Variants in ERP44 observed in about 807,000 individuals in gnomAD.
The protein encoded by ERP44 is endoplasmic reticulum protein 44, also known as endoplasmic reticulum resident protein 44.
A neutral mutation model predicts 53.4 loss-of-function variants in ERP44; 25 were observed. The observed-to-expected ratio is 0.47, with a 90% CI of 0.34 to 0.65. The LOEUF is 0.65. Among genes scored for constraint, ERP44 ranks in the 30% least tolerant of loss-of-function variants. ERP44 has a pLI of 0.01. For synonymous variants in ERP44, 145 were observed against 161.2 expected (o/e 0.90, Z 0.76); for missense variants, 338 against 493.2 (o/e 0.69, Z 2.98).
rs190258913 is a variant in ERP44 at position 100,042,903 on chromosome 9, A to G, written c.286+9514T>C. Among the ~76,000 whole-genome samples, 90 of 151,990 alleles carry G rather than the reference A, an allele frequency of 5.9e-4. 1 individual carries two copies. The highest frequency in any genetic ancestry group is 2.0e-3 in the African/African-American group (82 of 41,512). On this transcript the variant is annotated intron_variant, in intron 4 of 11. Transcript: ENST00000262455. ...ATAGAGCATAGAAGGATGGTTACCA[A>G]AGGGTGGAAAGGGTAGTCGAGGGTC...
At chr9:100,032,410 T>C (rs990865423) in intron 4 of ERP44, among the ~76,000 whole-genome samples, 1 of 152,246 alleles carries the variant, frequency 6.6e-6, no homozygotes, top group African/African-American at 2.4e-5. Context: ...ATGTCTTTTC[T>C]GACCTAATTA....
chr9:100,081,919 C>T (rs1452196797), intron 1 of ERP44, among the ~76,000 whole-genome samples: 1 of 151,976 alleles, frequency 6.6e-6, no homozygotes, highest in African/African-American at 2.4e-5. Flanking sequence ...CAACCAAAAA[C>T]AAATTAACTA....
At chr9:100,029,158 CA>C (rs36038673) in intron 4 of ERP44, among the ~76,000 whole-genome samples, 56 of 140,446 alleles carry the variant, frequency 4.0e-4, no homozygotes, top group Admixed American at 3.6e-4. Context: ...AATGCACAGG[CA>C]AAAAAAAAAG....
chr9:100,045,753 A>C (rs1251287464), intron 4 of ERP44, among the ~76,000 whole-genome samples: 1 of 152,168 alleles, frequency 6.6e-6, no homozygotes, highest in African/African-American at 2.4e-5. Flanking sequence ...TGATTGATAC[A>C]AACAAGACAT....
At chr9:99,990,788 C>A (rs930356111) in intron 10 of ERP44, among the ~76,000 whole-genome samples, 3 of 152,032 alleles carry the variant, frequency 2.0e-5, no homozygotes, top group Admixed American at 1.3e-4. Flanking sequence ...TGCAGAGACA[C>A]ACATAGGCTC....
chr9:100,025,782 A>AAAT (rs1469728303), intron 4 of ERP44, among the ~76,000 whole-genome samples: 3 of 152,022 alleles, frequency 2.0e-5, no homozygotes, highest in East Asian at 1.9e-4. Context: ...TTCTTGGTCA[A>AAAT]AATAATAATA....
chr9:100,000,435 CAA>C (rs34304276), intron 10 of ERP44, among the ~76,000 whole-genome samples: 157 of 123,916 alleles, frequency 1.3e-3, no homozygotes, highest in African/African-American at 1.8e-3. Flanking sequence ...GATCCTGTAT[CAA>C]AAAAAAAAAA....
intron 1 of ERP44, among the ~76,000 whole-genome samples, chr9:100,082,379 TAAA>T (rs1826436261): frequency 2.3e-5 from 2 of 88,146 alleles, no homozygotes; most frequent in African/African-American, 6.5e-5. Context: ...GAGTGAAATA[TAAA>T]AAATAATATA....
intron 8 of ERP44, 86 bp from the exon 9 acceptor site, chr9:100,007,775 AC>A: frequency 1.3e-6 from 1 of 779,124 alleles, no homozygotes; most frequent in South Asian, 1.4e-5. Flanking sequence ...TTTGAACCCA[AC>A]CCATGTAATG....
chr9:100,043,449 A>T (rs1825935447), intron 4 of ERP44, among the ~76,000 whole-genome samples: 1 of 151,796 alleles, frequency 6.6e-6, no homozygotes, highest in Admixed American at 6.6e-5. Flanking sequence ...TGATGTGACT[A>T]TTACGGACTT....
intron 1 of ERP44, among the ~76,000 whole-genome samples, chr9:100,061,677 A>C (rs771806294): frequency 1.3e-4 from 20 of 150,378 alleles, no homozygotes; most frequent in Non-Finnish European, 2.7e-4. Context: ...ACACTGTCTT[A>C]TTTTTAAATT....
At chr9:100,032,651 T>C (rs1825804424) in intron 4 of ERP44, among the ~76,000 whole-genome samples, 1 of 152,226 alleles carries the variant, frequency 6.6e-6, no homozygotes, top group South Asian at 2.1e-4. Flanking sequence ...AAAATTGTTG[T>C]ATGGCACAGA....
intron 1 of ERP44, among the ~76,000 whole-genome samples, chr9:100,082,293 T>C (rs1019914219): frequency 4.6e-5 from 7 of 151,650 alleles, no homozygotes; most frequent in Non-Finnish European, 8.8e-5. Flanking sequence ...TTCTAAAATA[T>C]AAGCAGAAAA....
At chr9:100,083,148 T>C (rs1296309650) in intron 1 of ERP44, among the ~76,000 whole-genome samples, 2 of 151,566 alleles carry the variant, frequency 1.3e-5, no homozygotes, top group East Asian at 3.9e-4. Flanking sequence ...TGGAAATGGG[T>C]AAGGAAAAGA....
At chr9:100,020,909 T>C (rs369037346) in intron 5 of ERP44, among the ~76,000 whole-genome samples, 178 bp from the exon 6 acceptor site, 1 of 152,222 alleles carries the variant, frequency 6.6e-6, no homozygotes, top group Non-Finnish European at 1.5e-5. Context: ...TTACATTGGG[T>C]TGAAAACAAT....
intron 4 of ERP44, among the ~76,000 whole-genome samples, chr9:100,048,753 A>T (rs1826004746): frequency 6.6e-6 from 1 of 152,242 alleles, no homozygotes; most frequent in South Asian, 2.1e-4. Context: ...GCTAAGTGAA[A>T]TATGCCAGTC....
chr9:99,989,349 C>A (rs1830230251), intron 10 of ERP44, among the ~76,000 whole-genome samples: 1 of 152,182 alleles, frequency 6.6e-6, no homozygotes, highest in African/African-American at 2.4e-5. Context: ...AAGGATTAGG[C>A]AGCAATAATT....
At chr9:100,053,627 G>A (rs1587975749) in intron 3 of ERP44, among the ~76,000 whole-genome samples, 3 of 152,106 alleles carry the variant, frequency 2.0e-5, no homozygotes, top group African/African-American at 7.2e-5. Context: ...TAACACAATA[G>A]CAGGTATCTA....
chr9:100,053,521 T>C (rs1826058293), intron 3 of ERP44, among the ~76,000 whole-genome samples: 1 of 152,200 alleles, frequency 6.6e-6, no homozygotes, highest in Non-Finnish European at 1.5e-5. Flanking sequence ...TGGTATAGCC[T>C]AGCATGCACC....
Sources: allele counts gnomAD v4.1 joint callset (sites outside exome capture counted in the v4.1 genomes callset), GRCh38; gene constraint gnomAD v4.1.1; transcripts MANE v1.5; gene names NCBI Gene and HGNC (gene_info 2026-07-23, HGNC 2026-07-21).